Variants in RELN observed in about 807,000 individuals in gnomAD.
RELN encodes the protein reelin.
Under a neutral mutation model 427.6 loss-of-function variants are expected in RELN, and 108 were observed. The ratio of observed to expected loss-of-function variants is 0.25; its 90% CI spans 0.22 to 0.30. The LOEUF is 0.30. RELN is among the 10% of genes least tolerant of loss of function. The pLI, the probability that RELN is intolerant of heterozygous loss-of-function variation, is 1.00. For missense variants in RELN, 3,715 were observed against 4,302.8 expected (o/e 0.86, Z 3.82); for synonymous variants, 1,524 against 1,513.4 (o/e 1.01, Z -0.16).
intron 19 of RELN, among the ~76,000 whole-genome samples, chr7:103,633,576 A>G (rs1832516310): frequency 6.6e-6 from 1 of 152,088 alleles, no homozygotes; most frequent in Admixed American, 6.6e-5. Flanking sequence ...AGCCATGCAC[A>G]TATCTAATAC....
chr7:103,782,248 T>C (rs1323544716), intron 3 of RELN, among the ~76,000 whole-genome samples: 1 of 152,178 alleles, frequency 6.6e-6, no homozygotes, highest in Non-Finnish European at 1.5e-5. Context: ...ATTTTCAACC[T>C]AACTAAACAA....
rs567322994 is a variant in RELN, at chr7:103,931,702, C to T, written c.227-14517G>A. Among the ~76,000 whole-genome samples the T allele has an allele frequency of 3.9e-5, 6 of 152,308 alleles. No homozygotes were observed. The South Asian group carries it at 1.2e-3, about 32-fold the overall frequency. ...ATTAGAAAATCACCATCCACATCTGCCATCTGGCTGGTTTAATGTCAATTC... is the reference window on the plus strand; with the variant it reads ...ATTAGAAAATCACCATCCACATCTGTCATCTGGCTGGTTTAATGTCAATTC... On this transcript the variant is annotated intron_variant, in intron 1 of 64. Transcript: ENST00000428762.
chr7:103,491,852 TCTCTCACACACACA>T (rs1309677469), intron 58 of RELN, 87 bp downstream of exon 58: 34 of 439,680 alleles, frequency 7.7e-5, no homozygotes, highest in East Asian at 5.6e-4. Flanking sequence ...TCTCTCTCTC[TCTCTCACACACACA>T]CACACACACA....
intron 61 of RELN, among the ~76,000 whole-genome samples, chr7:103,484,701 T>TA (rs758080100): frequency 2.6e-5 from 4 of 152,356 alleles, no homozygotes; most frequent in Non-Finnish European, 5.9e-5. Context: ...GAAATCTTGT[T>TA]AGAGTATTTC....
At chr7:103,584,682 T>A (rs534923345) in intron 28 of RELN, among the ~76,000 whole-genome samples, 1 of 152,206 alleles carries the variant, frequency 6.6e-6, no homozygotes, top group Admixed American at 6.5e-5. Context: ...AAAGAACTTC[T>A]GGACTTAAAT....
Position 103,539,450 on chromosome 7 carries a change from A to G in RELN, c.6931-123T>C, listed in dbSNP as rs569622055. On this transcript the variant is annotated intron_variant, in intron 44 of 64. Transcript: ENST00000428762. Reference sequence around the variant, plus strand: ...TTGGCCTGCTCAGAACTGGCACTGGACGGCCAGCAGAATGTGAGGGGCCTT... The same window carrying G: ...TTGGCCTGCTCAGAACTGGCACTGGGCGGCCAGCAGAATGTGAGGGGCCTT... The G allele has an allele frequency of 1.1e-5, 11 of 989,254 alleles. No homozygotes were observed. In the South Asian group the frequency reaches 1.5e-4, roughly 13 times the overall value. 61.3% of individuals were successfully genotyped at this position (989,254 alleles called of 1,614,324 possible).
intron 12 of RELN, among the ~76,000 whole-genome samples, chr7:103,656,456 G>A (rs1426548285): frequency 6.7e-6 from 1 of 149,188 alleles, no homozygotes; most frequent in Non-Finnish European, 1.5e-5. Flanking sequence ...TTCTAGCTGA[G>A]CCAGGGAAGG....
At chr7:103,652,316 C>T (rs1294234946) in intron 14 of RELN, among the ~76,000 whole-genome samples, 2 of 151,158 alleles carry the variant, frequency 1.3e-5, no homozygotes, top group Non-Finnish European at 2.9e-5. Context: ...CATGCAAACA[C>T]CTCTGATACC....
intron 3 of RELN, among the ~76,000 whole-genome samples, chr7:103,780,011 C>T (rs1209596797): frequency 6.6e-6 from 1 of 152,214 alleles, no homozygotes. Context: ...CAGGTGTGAG[C>T]GACCACACCC....
chr7:103,686,613 A>G (rs1355498436), intron 10 of RELN, among the ~76,000 whole-genome samples: 1 of 152,174 alleles, frequency 6.6e-6, no homozygotes, highest in Non-Finnish European at 1.5e-5. Context: ...GTCTGGCTGG[A>G]AATAAAATAT....
Position 103,637,820 on chromosome 7 carries a change from C to T in RELN, c.2070-1352G>A, listed in dbSNP as rs147380162. The stretch of plus-strand genomic sequence containing the variant: ...TCAGGAAACTGAATGTGTTTTACCA[C>T]AGTCACGAATTGGAATTAATTTTCC... On this transcript the variant is annotated intron_variant, in intron 17 of 64. Coordinates refer to ENST00000428762, the MANE Select transcript of RELN (RefSeq NM_005045.4). Among the ~76,000 whole-genome samples, 115 of 152,300 alleles carry T rather than the reference C, an allele frequency of 7.6e-4. No individual in the cohort carries two copies. The South Asian group carries it at 0.012, about 15-fold the overall frequency.
rs779269833 is a variant in RELN, at chr7:103,728,127, T to C, written c.737A>G (p.Tyr246Cys). Residue 246 changes from tyrosine (Y) to cysteine (C), a missense_variant, in exon 7 of 65, where the codon TAT (tyrosine) becomes TGT (cysteine). By Grantham distance (194) the Tyr-to-Cys change is radical. Transcript: ENST00000428762. ...CATACTTACCAGTTCTCGTGGGCCA[T>C]ATGGTTCACAGAAGGTGACGGCATT... ...HGNAVTFCEP[Y>C]GPRELITTGL... 1 of 1,613,804 alleles carries C rather than the reference T, an allele frequency of 6.2e-7. No homozygotes were observed. The highest frequency in any genetic ancestry group is 8.5e-7 in the Non-Finnish European group (1 of 1,179,854).
rs180796966 is a variant in RELN at position 103,834,431 on chromosome 7, G to A, written c.338-759C>T. Among the ~76,000 whole-genome samples the A allele has an allele frequency of 1.6e-3, 242 of 152,272 alleles. 1 individual carries two copies. The highest frequency in any genetic ancestry group is 5.7e-3 in the African/African-American group (235 of 41,542). ...AACATCACAGTTGTAAAGTGGTCTT[G>A]TCTAATGTTGATGTTCTGTGACTTG... On this transcript the variant is annotated intron_variant, in intron 2 of 64. Transcript: ENST00000428762.
At chr7:103,691,546 C>T (rs1252931986) in intron 10 of RELN, among the ~76,000 whole-genome samples, 1 of 152,128 alleles carries the variant, frequency 6.6e-6, no homozygotes, top group Non-Finnish European at 1.5e-5. Context: ...GGAGCAGTGG[C>T]TCACACCTGT....
chr7:103,915,831 A>G (rs960475482), intron 2 of RELN, among the ~76,000 whole-genome samples: 4 of 152,194 alleles, frequency 2.6e-5, no homozygotes, highest in Admixed American at 6.5e-5. Context: ...TCCTGCTGTA[A>G]CAAAACAGGT....
chr7:103,700,830 A>C, intron 9 of RELN, 80 bp downstream of exon 9: 2 of 861,356 alleles, frequency 2.3e-6, no homozygotes, highest in South Asian at 1.3e-5. Context: ...AGAAAAAGTT[A>C]GTGGTGGATT....
chr7:103,818,465 T>C (rs566391849), intron 3 of RELN, among the ~76,000 whole-genome samples: 4 of 152,304 alleles, frequency 2.6e-5, no homozygotes, highest in African/African-American at 9.6e-5. Flanking sequence ...ACAGGACTCT[T>C]ACTGTTAAAA....
At chr7:103,699,947 A>G (rs1255077953) in intron 9 of RELN, among the ~76,000 whole-genome samples, 1 of 151,964 alleles carries the variant, frequency 6.6e-6, no homozygotes, top group East Asian at 1.9e-4. Flanking sequence ...TTATTTTATT[A>G]TTATTATTTT....
chr7:103,834,015 C>T (rs150396608), intron 2 of RELN, among the ~76,000 whole-genome samples: 12 of 152,224 alleles, frequency 7.9e-5, no homozygotes, highest in African/African-American at 2.4e-4. Context: ...GGAGACCAAA[C>T]GCCATAGGGA....
Sources: gnomAD v4.1 joint callset for allele counts (sites outside exome capture counted in the v4.1 genomes callset) on GRCh38, gnomAD v4.1.1 for gene constraint, MANE v1.5 for transcripts, NCBI Gene and HGNC (gene_info 2026-07-23, HGNC 2026-07-21) for gene names.